ENPP2: variants seen among roughly 807,000 people sequenced by gnomAD.
The protein encoded by ENPP2 is autotaxin.
ENPP2 carries 51 observed loss-of-function variants against 120.2 expected under a neutral mutation model. The observed-to-expected ratio is 0.42, with a 90% CI of 0.34 to 0.54. The LOEUF (loss-of-function observed/expected upper bound fraction) is 0.54. Ranked by LOEUF, ENPP2 falls within the 20% of genes least tolerant of loss-of-function variation. The probability of loss-of-function intolerance (pLI) is 0.04; values close to 1 mark genes in which losing one functional copy is unlikely to be tolerated. For missense variants in ENPP2, 920 were observed against 1,066.5 expected, an observed-to-expected ratio of 0.86 and a Z score of 1.91; for synonymous variants, 365 against 366.4, an observed-to-expected ratio of 1.00 and a Z score of 0.04.
chr8:119,632,850 A>C (rs1373643720), intron 2 of ENPP2, among the ~76,000 whole-genome samples: 3 of 152,230 alleles, frequency 2.0e-5, no homozygotes, highest in Non-Finnish European at 4.4e-5. Context: ...TGGGCCGATC[A>C]CCTGAGGTTG....
At chr8:119,562,766 A>G in intron 24 of ENPP2, 91 bp downstream of exon 24, 1 of 1,228,748 alleles carries the variant, frequency 8.1e-7, no homozygotes, top group East Asian at 2.4e-5. Context: ...CTTTATAATA[A>G]GTATGTTCTA....
intron 11 of ENPP2, chr8:119,596,092 C>T (rs902704497): frequency 8.2e-7 from 1 of 1,222,950 alleles, no homozygotes; most frequent in African/African-American, 1.5e-5. Flanking sequence ...CTGGGATCAG[C>T]AGAGTCTCAG....
chr8:119,662,428 G>A (rs959376030), intron 1 of ENPP2, among the ~76,000 whole-genome samples: 9 of 152,088 alleles, frequency 5.9e-5, no homozygotes, highest in Non-Finnish European at 1.3e-4. Flanking sequence ...AGTCAAAATA[G>A]CACTACCTGG....
intron 14 of ENPP2, 24 bp downstream of exon 14, chr8:119,587,020 G>A: frequency 1.2e-6 from 2 of 1,606,514 alleles, no homozygotes; most frequent in African/African-American, 2.7e-5. Flanking sequence ...GCAGGGCAGA[G>A]GCGGGACAAC....
chr8:119,645,404 C>G (rs1490787604), intron 1 of ENPP2, among the ~76,000 whole-genome samples: 1 of 152,194 alleles, frequency 6.6e-6, no homozygotes, highest in African/African-American at 2.4e-5. Flanking sequence ...ACCATATCTA[C>G]AGATTCTAGT....
At chr8:119,670,891 A>C (rs1818222752) in intron 1 of ENPP2, among the ~76,000 whole-genome samples, 1 of 152,232 alleles carries the variant, frequency 6.6e-6, no homozygotes, top group Non-Finnish European at 1.5e-5. Flanking sequence ...AGTTGTGGAC[A>C]ATGTGTATCC....
intron 1 of ENPP2, among the ~76,000 whole-genome samples, chr8:119,648,807 C>T (rs1817546467): frequency 6.6e-6 from 1 of 152,182 alleles, no homozygotes; most frequent in Admixed American, 6.5e-5. Flanking sequence ...ATGCTTTCCC[C>T]TAAGATCAGG....
upstream of ENPP2, among the ~76,000 whole-genome samples, chr8:119,639,900 A>C (rs1046619295): frequency 1.3e-5 from 2 of 152,220 alleles, no homozygotes; most frequent in African/African-American, 4.8e-5. Context: ...ACATGCCTTC[A>C]GGATTCAAAT....
intron 10 of ENPP2, 109 bp from the exon 11 acceptor site, chr8:119,600,859 A>G (rs1814250870): frequency 6.9e-6 from 5 of 722,148 alleles, no homozygotes; most frequent in Non-Finnish European, 1.2e-5. Context: ...AGTTTAATTT[A>G]TCCTTTAACT....
At chr8:119,626,327 C>T (rs1469317903) in intron 3 of ENPP2, among the ~76,000 whole-genome samples, 2 of 152,144 alleles carry the variant, frequency 1.3e-5, no homozygotes, top group African/African-American at 2.4e-5. Flanking sequence ...AAAACATTTG[C>T]AAAACCAGCA....
At chr8:119,672,813 A>G (rs944352538) in intron 1 of ENPP2, among the ~76,000 whole-genome samples, 2 of 152,142 alleles carry the variant, frequency 1.3e-5, no homozygotes, top group Non-Finnish European at 2.9e-5. Context: ...TTTACTAAAC[A>G]TATTGTTTTA....
chr8:119,619,957 T>A (rs547922047), intron 4 of ENPP2, among the ~76,000 whole-genome samples: 1 of 152,256 alleles, frequency 6.6e-6, no homozygotes, highest in African/African-American at 2.4e-5. Context: ...GAATTTGCCT[T>A]AAATTATTTT....
At chr8:119,574,314 C>G (rs1812184183) in intron 19 of ENPP2, among the ~76,000 whole-genome samples, 1 of 151,636 alleles carries the variant, frequency 6.6e-6, no homozygotes. Context: ...AGATCTTTAT[C>G]TCGAGACCAG....
intron 10 of ENPP2, 88 bp downstream of exon 10, chr8:119,601,309 G>A (rs1814289324): frequency 1.1e-6 from 1 of 892,030 alleles, no homozygotes; most frequent in Non-Finnish European, 1.8e-6. Context: ...AACATTGGCT[G>A]TGCTTCTATT....
chr8:119,593,300 G>A (rs775192405), intron 12 of ENPP2, among the ~76,000 whole-genome samples: 4 of 152,054 alleles, frequency 2.6e-5, no homozygotes, highest in Non-Finnish European at 5.9e-5. Context: ...TGACTTACAC[G>A]CCACTTCTTT....
chr8:119,620,324 A>C (rs981668508), intron 4 of ENPP2, among the ~76,000 whole-genome samples: 3 of 152,234 alleles, frequency 2.0e-5, no homozygotes, highest in Non-Finnish European at 4.4e-5. Context: ...GCAAATTAAA[A>C]AGGAAAGGGA....
At chr8:119,581,149 C>G (rs1314560671) in intron 18 of ENPP2, 2 of 151,782 alleles carry the variant, frequency 1.3e-5, no homozygotes, top group Non-Finnish European at 2.9e-5. Flanking sequence ...GCCTGTAATC[C>G]CAGCTACTCA....
In ENPP2 at chr8:119,670,019, C is replaced by T. The variant is rs144148067; in HGVS notation, c.21+3233G>A. Among the ~76,000 whole-genome samples, 14 of 152,330 alleles carry T rather than the reference C, an allele frequency of 9.2e-5. No individual in the cohort carries two copies. In the East Asian group the frequency reaches 2.5e-3, roughly 27 times the overall value. On this transcript the variant is annotated intron_variant, in intron 1 of 25. Coordinates refer to the ENPP2 transcript ENST00000427067. ...TTCTGGATGCCTTCTCTGGATCAAGCTTATCCAAGGACTCTTACAAGCCCA... is the reference window on the plus strand; with the variant it reads ...TTCTGGATGCCTTCTCTGGATCAAGTTTATCCAAGGACTCTTACAAGCCCA...
intron 3 of ENPP2, among the ~76,000 whole-genome samples, chr8:119,623,379 C>A (rs910623038): frequency 3.3e-5 from 5 of 152,014 alleles, no homozygotes; most frequent in Non-Finnish European, 5.9e-5. Context: ...GCAGGAGAAT[C>A]GCTTGAACCC....
Sources: allele counts gnomAD v4.1 joint callset (sites outside exome capture counted in the v4.1 genomes callset), GRCh38; gene constraint gnomAD v4.1.1; transcripts MANE v1.5; gene names NCBI Gene and HGNC (gene_info 2026-07-23, HGNC 2026-07-21).